OCIAD1: variants seen among roughly 807,000 people sequenced by gnomAD.
OCIAD1 encodes the protein OCIA domain-containing protein 1.
Under a neutral mutation model 38.9 loss-of-function variants are expected in OCIAD1, and 29 were observed. The ratio of observed to expected loss-of-function variants is 0.74; its 90% CI spans 0.55 to 1.02. The LOEUF is 1.02. Among genes scored for constraint, OCIAD1 ranks in the 50% least tolerant of loss-of-function variants. OCIAD1 has a pLI of 0.00. For missense variants in OCIAD1, 288 were observed against 289.6 expected (o/e 0.99, Z 0.04); for synonymous variants, 110 against 92.0 (o/e 1.20, Z -1.12).
At position 48,807,582 on chromosome 4, in the gene OCIAD1, A is replaced by G. The variant is rs73815339; in HGVS notation, c.-103+2252A>G. 6.6e-3 allele frequency among the ~76,000 whole-genome samples: 1,005 copies of G among 152,286 alleles called. 14 individuals are homozygous for G. The highest frequency in any genetic ancestry group is 0.023 in the African/African-American group (965 of 41,558). On this transcript the variant is annotated intron_variant, in intron 1 of 6. Coordinates refer to the OCIAD1 transcript ENST00000504654. ...TAATAAATGTTAGGCATTAATATTA[A>G]TTCCCTTTCTTTCTTGCCTTTTTTT...
intron 3 of OCIAD1, among the ~76,000 whole-genome samples, chr4:48,841,753 T>TA (rs570466192): frequency 1.2e-4 from 19 of 152,172 alleles, no homozygotes; most frequent in Non-Finnish European, 2.6e-4. Flanking sequence ...AAAATTCTGT[T>TA]AGACAGTGCT....
chr4:48,831,228 C>T lies in OCIAD1; in HGVS notation c.-27C>T, dbSNP rs1777452856. 1 of 341,690 alleles carries T rather than the reference C, an allele frequency of 2.9e-6. No homozygotes were observed. The highest frequency in any genetic ancestry group is 5.8e-6 in the Non-Finnish European group (1 of 171,338). 21.2% of individuals were successfully genotyped at this position (341,690 alleles called of 1,614,324 possible). A position where few individuals can be genotyped will look rare whatever the true frequency, so the allele number is the denominator to read the frequency against. On this transcript the variant is annotated 5_prime_UTR_variant, in exon 1 of 9. Transcript: ENST00000264312. ...CTGATCGCTTGGTTTTCCTTGCAGTCGCCTGCTGCTGTCGTCGGGAGGTGG... is the reference window on the plus strand; with the variant it reads ...CTGATCGCTTGGTTTTCCTTGCAGTTGCCTGCTGCTGTCGTCGGGAGGTGG...
At chr4:48,846,609 A>T (rs959156410) in intron 4 of OCIAD1, among the ~76,000 whole-genome samples, 1 of 152,104 alleles carries the variant, frequency 6.6e-6, no homozygotes, top group African/African-American at 2.4e-5. Context: ...TTAACTGGGC[A>T]TGGTGGTGTG....
chr4:48,833,276 C>T, intron 2 of OCIAD1, 125 bp from the exon 3 acceptor site: 1 of 630,632 alleles, frequency 1.6e-6, no homozygotes, highest in Non-Finnish European at 2.8e-6. Context: ...AGTGCATAAG[C>T]CAGTTGTTTT....
At chr4:48,807,471 T>C (rs1777041059) in intron 1 of OCIAD1, among the ~76,000 whole-genome samples, 1 of 152,192 alleles carries the variant, frequency 6.6e-6, no homozygotes, top group African/African-American at 2.4e-5. Flanking sequence ...AGGATAATAG[T>C]ACCAAGTATC....
chr4:48,842,762 T>C (rs1778650287), intron 4 of OCIAD1, 73 bp downstream of exon 4: 2 of 801,094 alleles, frequency 2.5e-6, no homozygotes, highest in Admixed American at 2.7e-5. Context: ...TCCAGGTCTT[T>C]AGAAAAAGTA....
chr4:48,858,856 A>G (rs555093095), intron 8 of OCIAD1, among the ~76,000 whole-genome samples: 2 of 152,342 alleles, frequency 1.3e-5, no homozygotes, highest in African/African-American at 2.4e-5. Flanking sequence ...TCTTTTTGGA[A>G]TAGCTATACA....
rs540097380 is a variant in OCIAD1, at chr4:48,812,424, T to G, written c.-103+7094T>G. ...CCGAGATGTCCAAGGCCTGTCTGAG[T>G]CAAAGTGCACCCCAAAATTTGGAAA... On this transcript the variant is annotated intron_variant, in intron 1 of 6. Transcript: ENST00000504654. 1.5e-4 allele frequency among the ~76,000 whole-genome samples: 21 copies of G among 135,850 alleles called. No individual in the cohort carries two copies. The South Asian group carries it at 5.4e-3, about 35-fold the overall frequency. 89.1% of individuals were successfully genotyped at this position (135,850 alleles called of 152,430 possible).
chr4:48,855,937 A>G (rs1779999442), intron 7 of OCIAD1: 1 of 152,170 alleles, frequency 6.6e-6, no homozygotes, highest in African/African-American at 2.4e-5. Context: ...CACAAAAATT[A>G]TTTTTTAAAA....
In OCIAD1 at chr4:48,850,037, G is replaced by C; in HGVS notation, c.332G>C (p.Gly111Ala). The change falls in exon 6 of 9, where the codon GGA becomes GCA. Residue 111 changes from glycine to alanine, a missense_variant. Physicochemically the swap from Gly to Ala is moderately conservative, Grantham distance 60 (BLOSUM62 0). Coordinates refer to ENST00000264312, the MANE Select transcript of OCIAD1 (RefSeq NM_017830.4). ...KFKKLENSPL[G>A]EALRSGQARR... ...AAGAAACTTGAAAATTCCCCCCTTG[G>C]AGAAGCTTTACGATCAGGACAAGCA... 6.2e-7 allele frequency: 1 copy of C among 1,613,464 alleles called. No individual in the cohort carries two copies. The highest frequency in any genetic ancestry group is 8.5e-7 in the Non-Finnish European group (1 of 1,179,838).
intron 1 of OCIAD1, among the ~76,000 whole-genome samples, chr4:48,824,301 A>C (rs1484984643): frequency 1.3e-5 from 2 of 152,060 alleles, no homozygotes; most frequent in Non-Finnish European, 2.9e-5. Flanking sequence ...AATAGTTTCC[A>C]TTAACAAGAA....
At chr4:48,805,552 A>G (rs1242966008) in intron 1 of OCIAD1, among the ~76,000 whole-genome samples, 1 of 152,170 alleles carries the variant, frequency 6.6e-6, no homozygotes, top group Non-Finnish European at 1.5e-5. Flanking sequence ...GAAAAAAGAC[A>G]TAAGATTTTT....
rs745502394 is a variant in OCIAD1 at position 48,851,912 on chromosome 4, A to G, written c.484A>G (p.Ile162Val). 2 of 1,610,944 alleles carry G rather than the reference A, an allele frequency of 1.2e-6. No individual in the cohort carries two copies. The highest frequency in any genetic ancestry group is 1.7e-6 in the Non-Finnish European group (2 of 1,177,364). The stretch of plus-strand genomic sequence containing the variant: ...AGAAATGCTTCCTCATTATGAGCCA[A>G]TTCCATTCAGTTCTTCTATGAATGA... Reference protein sequence around the residue: ...NIEMLPHYEPIPFSSSMNESA... With the variant: ...NIEMLPHYEPVPFSSSMNESA... Residue 162 changes from isoleucine to valine, a missense_variant, in exon 7 of 9, where the codon ATT (isoleucine) becomes GTT (valine). Coordinates refer to ENST00000264312, the MANE Select transcript of OCIAD1 (RefSeq NM_017830.4).
intron 1 of OCIAD1, among the ~76,000 whole-genome samples, chr4:48,815,885 A>G (rs1340183824): frequency 3.3e-5 from 5 of 152,182 alleles, no homozygotes; most frequent in African/African-American, 4.8e-5. Context: ...GCTCTCCCAC[A>G]TAGGTAATCC....
chr4:48,831,780 AG>A (rs1777531037), intron 1 of OCIAD1, among the ~76,000 whole-genome samples: 1 of 152,122 alleles, frequency 6.6e-6, no homozygotes, highest in Non-Finnish European at 1.5e-5. Flanking sequence ...TCTCTAATTA[AG>A]GGGTTGGCAT....
chr4:48,810,468 CAAAAAAAAAA>C (rs749988114), intron 1 of OCIAD1, among the ~76,000 whole-genome samples: 1 of 42,326 alleles, frequency 2.4e-5, no homozygotes, highest in Non-Finnish European at 4.8e-5. Context: ...GACTCCATCT[CAAAAAAAAAA>C]AAAAAAAAAA....
chr4:48,845,551 A>G (rs1778907412), intron 4 of OCIAD1, among the ~76,000 whole-genome samples: 1 of 152,130 alleles, frequency 6.6e-6, no homozygotes, highest in African/African-American at 2.4e-5. Flanking sequence ...AGCACTAAAC[A>G]ACAAAAATTC....
At chr4:48,811,419 C>T (rs1777087846) in intron 1 of OCIAD1, among the ~76,000 whole-genome samples, 1 of 152,208 alleles carries the variant, frequency 6.6e-6, no homozygotes, top group South Asian at 2.1e-4. Flanking sequence ...CTCTTCCTTT[C>T]CTCCAGACCT....
intron 8 of OCIAD1, among the ~76,000 whole-genome samples, chr4:48,860,355 G>A (rs2109639765): frequency 6.6e-6 from 1 of 150,840 alleles, no homozygotes; most frequent in African/African-American, 2.4e-5. Flanking sequence ...CCACACTTAG[G>A]TAGTATGGTA....
Sources: gnomAD v4.1 joint callset for allele counts (sites outside exome capture counted in the v4.1 genomes callset) on GRCh38, gnomAD v4.1.1 for gene constraint, MANE v1.5 for transcripts, NCBI Gene and HGNC (gene_info 2026-07-23, HGNC 2026-07-21) for gene names.